Variants in FBXW7 observed in about 807,000 individuals in gnomAD.
The protein encoded by FBXW7 is F-box/WD repeat-containing protein 7.
In FBXW7, 11 loss-of-function variants were observed where a neutral mutation model predicts 86.3. That is an observed-to-expected ratio of 0.13 (90% confidence interval 0.08 to 0.21). The LOEUF is 0.21. Ranked by LOEUF, FBXW7 falls within the 10% of genes least tolerant of loss-of-function variation. FBXW7 has a pLI of 1.00. For synonymous variants in FBXW7, 313 were observed against 297.9 expected, an observed-to-expected ratio of 1.05 and a Z score of -0.52; for missense variants, 488 against 847.4, an observed-to-expected ratio of 0.58 and a Z score of 5.27.
rs764886843 is a variant in FBXW7 at position 152,332,680 on chromosome 4, G to A, written c.901C>T (p.Leu301=). 2 of 1,599,906 alleles carry A rather than the reference G, an allele frequency of 1.3e-6. No individual in the cohort carries two copies. The highest frequency in any genetic ancestry group is 1.7e-6 in the Non-Finnish European group (2 of 1,171,170). The change falls in exon 8 of 14, where the codon CTG becomes TTG. Residue 301 remains leucine, a synonymous_variant. Transcript: ENST00000281708. ...YVLSFLEPKD[L]LQAAQTCRYW... ...CGACATGTCTGAGCTGCTTGTAGCA[G>A]GTCTTTGGGTTCCAGGAATGAAAGC...
chr4:152,471,213 G>T (rs1242938220), intron 2 of FBXW7, among the ~76,000 whole-genome samples: 2 of 151,330 alleles, frequency 1.3e-5, no homozygotes, highest in African/African-American at 4.9e-5. Flanking sequence ...ATATATTAGA[G>T]ACCTATATAT....
chr4:152,361,400 T>C (rs995725700), intron 4 of FBXW7, among the ~76,000 whole-genome samples: 2 of 152,190 alleles, frequency 1.3e-5, no homozygotes, highest in Non-Finnish European at 1.5e-5. Flanking sequence ...AAGAATTCTA[T>C]GACTAGCAAA....
intron 2 of FBXW7, among the ~76,000 whole-genome samples, chr4:152,529,712 A>G (rs1749836637): frequency 6.6e-6 from 1 of 152,072 alleles, no homozygotes; most frequent in Non-Finnish European, 1.5e-5. Flanking sequence ...CACGCCTGCA[A>G]TCCCAGCACT....
intron 13 of FBXW7, 69 bp from the exon 14 acceptor site, chr4:152,323,218 T>C (rs1728702751): frequency 6.7e-7 from 1 of 1,499,838 alleles, no homozygotes. Context: ...ACATTATAAT[T>C]TGTAGACTTC....
chr4:152,367,843 GACAAC>G (rs1733638179), intron 4 of FBXW7, among the ~76,000 whole-genome samples: 1 of 151,782 alleles, frequency 6.6e-6, no homozygotes, highest in Non-Finnish European at 1.5e-5. Flanking sequence ...TTAAGACTAC[GACAAC>G]ACAAGTTGAT....
chr4:152,437,831 T>C (rs1486184160), intron 2 of FBXW7, among the ~76,000 whole-genome samples: 1 of 152,156 alleles, frequency 6.6e-6, no homozygotes, highest in Admixed American at 6.5e-5. Flanking sequence ...AGCAGTAAAA[T>C]GATCGTGACT....
rs1046058792 is a variant in FBXW7 at position 152,461,417 on chromosome 4, T to C, written c.-119-48888A>G. Among the ~76,000 whole-genome samples, 12 of 152,362 alleles carry C rather than the reference T, an allele frequency of 7.9e-5. No individual in the cohort carries two copies. The East Asian group carries it at 2.3e-3, about 29-fold the overall frequency. On this transcript the variant is annotated intron_variant, in intron 2 of 13. Transcript: ENST00000281708. ...TGTTTTTTATTGGCATTATTTTTTATTGCTGTACTGTAAATTTTATTATGT... is the reference window on the plus strand; with the variant it reads ...TGTTTTTTATTGGCATTATTTTTTACTGCTGTACTGTAAATTTTATTATGT...
chr4:152,343,024 T>C (rs1029445112), intron 6 of FBXW7, among the ~76,000 whole-genome samples: 1 of 152,180 alleles, frequency 6.6e-6, no homozygotes, highest in East Asian at 1.9e-4. Context: ...GCAAATAAGA[T>C]GTAAATAAAG....
At chr4:152,403,949 GA>G in intron 4 of FBXW7, among the ~76,000 whole-genome samples, 1 of 152,280 alleles carries the variant, frequency 6.6e-6, no homozygotes, top group Non-Finnish European at 1.5e-5. Flanking sequence ...ACTCTTCAAA[GA>G]AAACAATAAA....
intron 2 of FBXW7, among the ~76,000 whole-genome samples, chr4:152,417,798 C>T (rs1156413242): frequency 1.3e-5 from 2 of 152,076 alleles, no homozygotes; most frequent in Non-Finnish European, 2.9e-5. Flanking sequence ...CTCCATCTAT[C>T]GCACCTTGGA....
chr4:152,347,353 T>A (rs1291824876), intron 5 of FBXW7, among the ~76,000 whole-genome samples: 2 of 152,282 alleles, frequency 1.3e-5, no homozygotes, highest in South Asian at 2.1e-4. Flanking sequence ...CTGCAAGTTG[T>A]TAATATATAC....
At chr4:152,348,739 G>A (rs376610031) in intron 5 of FBXW7, 6 of 1,129,992 alleles carry the variant, frequency 5.3e-6, no homozygotes, top group East Asian at 6.5e-5. Flanking sequence ...TTAACAGTTA[G>A]TTTAACATTA....
At chr4:152,390,984 C>A (rs1463638981) in intron 4 of FBXW7, among the ~76,000 whole-genome samples, 1 of 151,862 alleles carries the variant, frequency 6.6e-6, no homozygotes, top group Admixed American at 6.6e-5. Context: ...CATAAAAAAT[C>A]TGAAGGAGTG....
Position 152,347,072 on chromosome 4 carries a change from C to CAA in FBXW7, c.585-2_585-1insTT. The CAA allele has an allele frequency of 7.0e-7, 1 of 1,428,830 alleles. No homozygotes were observed. Among genetic ancestry groups the CAA allele is most frequent in the African/African-American group, 1.7e-5 (1 of 59,854 alleles). The allele number at this position is 1,428,830 out of a possible 1,614,324, so 88.5% of individuals were successfully genotyped here. On this transcript the variant is annotated splice_acceptor_variant, in intron 5 of 13. Transcript: ENST00000281708. LOFTEE classifies it high-confidence loss of function. ...TGAACATGGTACAAGCCCAGTGGTA[C>CAA]TACAAAAAAAAAAAAAAGAGAGAGA... is the stretch of plus-strand genomic sequence containing the variant.
intron 4 of FBXW7, among the ~76,000 whole-genome samples, chr4:152,392,763 T>G (rs1736103380): frequency 6.6e-6 from 1 of 152,134 alleles, no homozygotes; most frequent in Non-Finnish European, 1.5e-5. Flanking sequence ...GTAACAGGAA[T>G]GGAAAGGACA....
chr4:152,515,753 CTTTTTTT>C (rs79255425), intron 2 of FBXW7, among the ~76,000 whole-genome samples: 1 of 129,714 alleles, frequency 7.7e-6, no homozygotes, highest in Non-Finnish European at 1.7e-5. Flanking sequence ...CCACAACTCT[CTTTTTTT>C]TTTTTTTTTG....
intron 4 of FBXW7, among the ~76,000 whole-genome samples, chr4:152,391,133 A>T (rs1440762572): frequency 1.3e-5 from 2 of 152,094 alleles, no homozygotes; most frequent in Admixed American, 1.3e-4. Context: ...AATTTTCAGT[A>T]ATGTGCTATG....
intron 2 of FBXW7, among the ~76,000 whole-genome samples, chr4:152,523,658 T>C (rs531007288): frequency 2.0e-5 from 3 of 152,304 alleles, no homozygotes; most frequent in African/African-American, 4.8e-5. Flanking sequence ...ATAAAGCTAG[T>C]CTATGATACG....
At chr4:152,456,095 T>C (rs1213196558) in intron 2 of FBXW7, among the ~76,000 whole-genome samples, 1 of 151,726 alleles carries the variant, frequency 6.6e-6, no homozygotes, top group Non-Finnish European at 1.5e-5. Flanking sequence ...GACTTGAACT[T>C]GAGAAGACAT....
Sources: gnomAD v4.1 joint callset for allele counts (sites outside exome capture counted in the v4.1 genomes callset) on GRCh38, gnomAD v4.1.1 for gene constraint, MANE v1.5 for transcripts, NCBI Gene and HGNC (gene_info 2026-07-23, HGNC 2026-07-21) for gene names.